ITPR2: variants seen among roughly 807,000 people sequenced by gnomAD.
ITPR2 encodes inositol 1,4,5-trisphosphate-gated calcium channel ITPR2.
In ITPR2, 207 loss-of-function variants were observed where a neutral mutation model predicts 317.1. The ratio of observed to expected loss-of-function variants is 0.65; its 90% CI spans 0.58 to 0.73. The LOEUF is 0.73. Among genes scored for constraint, ITPR2 ranks in the 30% least tolerant of loss-of-function variants. The probability of loss-of-function intolerance (pLI) is 0.00; values close to 1 mark genes in which losing one functional copy is unlikely to be tolerated. For missense variants in ITPR2, 2,613 were observed against 3,284.0 expected (o/e 0.80, Z 4.99); for synonymous variants, 1,156 against 1,149.1 (o/e 1.01, Z -0.12).
At chr12:26,556,567 TGTGTGTGTGTGTGTGTGTG>T (rs1944669294) in intron 35 of ITPR2, among the ~76,000 whole-genome samples, 192 bp from the exon 36 acceptor site, 1 of 59,042 alleles carries the variant, frequency 1.7e-5, no homozygotes, top group Non-Finnish European at 4.8e-5. Context: ...TTTTTTTTTT[TGTGTGTGTGTGTGTGTGTG>T]TGTGTGTGTT....
Position 26,575,683 on chromosome 12 carries a change from G to T in ITPR2, c.4630+3030C>A, listed in dbSNP as rs185002151. On this transcript the variant is annotated intron_variant, in intron 34 of 56. Transcript: ENST00000381340. ...TAAATTATAATGCTTTGGCCAGTAT[G>T]GACATGGTAGGAAATGAAGTCTTAT... Among the ~76,000 whole-genome samples, 14 of 152,246 alleles carry T rather than the reference G, an allele frequency of 9.2e-5. No individual in the cohort carries two copies. The East Asian group carries it at 2.5e-3, about 27-fold the overall frequency.
chr12:26,401,749 T>C (rs1940183832), intron 52 of ITPR2, among the ~76,000 whole-genome samples: 1 of 152,234 alleles, frequency 6.6e-6, no homozygotes, highest in African/African-American at 2.4e-5. Flanking sequence ...CTACAGTGCC[T>C]TTGATACTTC....
chr12:26,608,906 A>G (rs926692737), intron 26 of ITPR2, among the ~76,000 whole-genome samples: 7 of 152,230 alleles, frequency 4.6e-5, no homozygotes, highest in South Asian at 2.1e-4. Context: ...AAATGTAGAA[A>G]GCATGGGGAA....
Position 26,666,004 on chromosome 12 carries a change from A to G in ITPR2, c.1457T>C (p.Val486Ala). The change falls in exon 14 of 57, where the codon GTG (valine) becomes GCG (alanine). Residue 486 changes from valine to alanine, a missense_variant. Coordinates refer to ENST00000381340, the MANE Select transcript of ITPR2 (RefSeq NM_002223.4). Reference sequence around the variant, plus strand: ...CAGAACTTCTTGTCCATTATTAGGCACATCAGCAACAAAGAATATGAGATC... The same window carrying G: ...CAGAACTTCTTGTCCATTATTAGGCGCATCAGCAACAAAGAATATGAGATC... The part of the protein sequence containing the change: ...LEDLIFFVAD[V>A]PNNGQEVLDV... 6.2e-7 allele frequency: 1 copy of G among 1,613,068 alleles called. No homozygotes were observed. Among genetic ancestry groups the G allele is most frequent in the Non-Finnish European group, 8.5e-7 (1 of 1,179,224 alleles).
chr12:26,658,155 G>A, intron 16 of ITPR2, 25 bp from the exon 17 acceptor site: 1 of 1,502,630 alleles, frequency 6.7e-7, no homozygotes, highest in Non-Finnish European at 8.9e-7. Context: ...AAATTAAATG[G>A]AATATGAAGA....
rs192414862 is a variant in ITPR2 at position 26,577,829 on chromosome 12, A to G, written c.4630+884T>C. Among the ~76,000 whole-genome samples, 141 of 152,354 alleles carry G rather than the reference A, an allele frequency of 9.3e-4. 1 individual carries two copies. In the Middle Eastern group the frequency reaches 0.014, roughly 15 times the overall value. ...GTTAAGTCATTTATTCATTTCTCACATATTTGTTGAGGTATGCTATAACCC... is the reference window on the plus strand; with the variant it reads ...GTTAAGTCATTTATTCATTTCTCACGTATTTGTTGAGGTATGCTATAACCC... On this transcript the variant is annotated intron_variant, in intron 34 of 56. Coordinates refer to ENST00000381340, the MANE Select transcript of ITPR2 (RefSeq NM_002223.4).
At chr12:26,633,314 T>C (rs1047913649) in intron 21 of ITPR2, among the ~76,000 whole-genome samples, 1 of 152,222 alleles carries the variant, frequency 6.6e-6, no homozygotes, top group Non-Finnish European at 1.5e-5. Context: ...CTGTACATTG[T>C]GAAAAGGTAA....
In ITPR2 at chr12:26,725,507, C is replaced by G. The variant is rs531570431; in HGVS notation, c.279+143G>C. Reference sequence around the variant, plus strand: ...GGTCACACCCTATTACTTGAAAAGCCCTTCTACTTTCAATGTGTTGCTATA... The same window carrying G: ...GGTCACACCCTATTACTTGAAAAGCGCTTCTACTTTCAATGTGTTGCTATA... On this transcript the variant is annotated intron_variant, in intron 3 of 56. Coordinates refer to ENST00000381340, the MANE Select transcript of ITPR2 (RefSeq NM_002223.4). The G allele has an allele frequency of 9.8e-6, 6 of 613,586 alleles. No homozygotes were observed. The South Asian group carries it at 1.2e-4, about 13-fold the overall frequency. The allele number at this position is 613,586 out of a possible 1,614,324, so 38.0% of individuals were successfully genotyped here. A position where few individuals can be genotyped will look rare whatever the true frequency, so the allele number is the denominator to read the frequency against.
At chr12:26,491,037 A>G (rs1942788605) in intron 39 of ITPR2, among the ~76,000 whole-genome samples, 1 of 152,218 alleles carries the variant, frequency 6.6e-6, no homozygotes, top group South Asian at 2.1e-4. Context: ...TAGCTGATGC[A>G]TAAGAGGAAG....
intron 55 of ITPR2, among the ~76,000 whole-genome samples, chr12:26,358,004 G>C (rs1938695056): frequency 6.6e-6 from 1 of 152,224 alleles, no homozygotes; most frequent in African/African-American, 2.4e-5. Context: ...ACAGAAGCTA[G>C]AATACACCCA....
chr12:26,351,749 GT>G (rs1198124301), intron 55 of ITPR2, among the ~76,000 whole-genome samples: 1 of 152,134 alleles, frequency 6.6e-6, no homozygotes, highest in Non-Finnish European at 1.5e-5. Flanking sequence ...TTTTTCCTGT[GT>G]TTTTCTTTTC....
intron 48 of ITPR2, among the ~76,000 whole-genome samples, chr12:26,434,568 G>T (rs1941302837): frequency 6.6e-6 from 1 of 152,118 alleles, no homozygotes; most frequent in African/African-American, 2.4e-5. Flanking sequence ...TCATGGAATG[G>T]AACTCAAGGG....
At chr12:26,616,338 T>G (rs1475438772) in intron 26 of ITPR2, among the ~76,000 whole-genome samples, 1 of 151,806 alleles carries the variant, frequency 6.6e-6, no homozygotes. Context: ...GGGGTTTCAC[T>G]GTGTTAGCCA....
chr12:26,777,214 T>A (rs561385296), intron 2 of ITPR2, among the ~76,000 whole-genome samples: 1 of 152,330 alleles, frequency 6.6e-6, no homozygotes, highest in East Asian at 1.9e-4. Context: ...CTTGGTTTAA[T>A]GTGGAGGAAG....
At chr12:26,633,856 C>T (rs1170282697) in intron 21 of ITPR2, among the ~76,000 whole-genome samples, 4 of 152,138 alleles carry the variant, frequency 2.6e-5, no homozygotes, top group Non-Finnish European at 5.9e-5. Context: ...TTATTCTTAC[C>T]CCTGATTCAC....
intron 2 of ITPR2, among the ~76,000 whole-genome samples, chr12:26,740,264 C>T (rs981845425): frequency 1.3e-5 from 2 of 152,084 alleles, no homozygotes; most frequent in Non-Finnish European, 2.9e-5. Flanking sequence ...ACTTGAGGGT[C>T]CCAACGAACA....
At chr12:26,564,589 C>A (rs1307833808) in intron 34 of ITPR2, among the ~76,000 whole-genome samples, 1 of 151,988 alleles carries the variant, frequency 6.6e-6, no homozygotes. Flanking sequence ...CATGGTGGGC[C>A]CCAATCCAAT....
At chr12:26,522,640 T>C (rs946484710) in intron 37 of ITPR2, among the ~76,000 whole-genome samples, 11 of 152,200 alleles carry the variant, frequency 7.2e-5, no homozygotes, top group Non-Finnish European at 1.5e-4. Context: ...GGAAATTGAA[T>C]GAATGGGAAA....
intron 52 of ITPR2, among the ~76,000 whole-genome samples, chr12:26,408,014 G>T (rs566067557): frequency 2.0e-5 from 3 of 152,104 alleles, no homozygotes; most frequent in Non-Finnish European, 4.4e-5. Flanking sequence ...CATCCTCCAA[G>T]TCTCAACTTA....
Sources: gnomAD v4.1 joint callset for allele counts (sites outside exome capture counted in the v4.1 genomes callset) on GRCh38, gnomAD v4.1.1 for gene constraint, MANE v1.5 for transcripts, NCBI Gene and HGNC (gene_info 2026-07-23, HGNC 2026-07-21) for gene names.